Variants in ITGB7 observed in about 807,000 individuals in gnomAD.
The protein encoded by ITGB7 is integrin subunit beta 7.
Under a neutral mutation model 83.4 loss-of-function variants are expected in ITGB7, and 55 were observed. The ratio of observed to expected loss-of-function variants is 0.66; its 90% CI spans 0.53 to 0.83. ITGB7 has a LOEUF of 0.83. ITGB7 is among the 40% of genes least tolerant of loss of function. The pLI is 0.00. For missense variants in ITGB7, 921 were observed against 1,046.7 expected (o/e 0.88, Z 1.66); for synonymous variants, 454 against 423.6 (o/e 1.07, Z -0.88).
Position 53,197,510 on chromosome 12 carries a change from G to A in ITGB7, c.557C>T (p.Thr186Ile). The A allele has an allele frequency of 3.1e-6, 5 of 1,614,184 alleles. No homozygotes were observed. The highest frequency in any genetic ancestry group is 4.2e-6 in the Non-Finnish European group (5 of 1,180,024). Residue 186 changes from threonine (T) to isoleucine (I), a missense_variant, in exon 5 of 16, where the codon ACC (threonine) becomes ATC (isoleucine). Physicochemically the swap from Thr to Ile is moderately conservative, Grantham distance 89. Coordinates refer to ENST00000267082, the MANE Select transcript of ITGB7 (RefSeq NM_000889.3). Reference protein sequence around the residue: ...HALLVRLQEVTHSVRIGFGSF... With the variant: ...HALLVRLQEVIHSVRIGFGSF... ...CGGCTCACCAATGCGCACAGAATGG[G>A]TGACTTCCTGCAGCCGGACCAGCAG...
Position 53,197,930 on chromosome 12 carries a change from C to G in ITGB7, c.223G>C (p.Ala75Pro), listed in dbSNP as rs1942222414. Residue 75 changes from alanine (A) to proline (P), a missense_variant, in exon 4 of 16, where the codon GCG (alanine) becomes CCG (proline). Transcript: ENST00000267082. ...KQLNFTASGE[A>P]EARRCARREE... ...CGTCGGGCGCAGCGCCGCGCCTCCGCCTCTCCCGACGCGGTGAAGTTCTGC... is the reference window on the plus strand; with the variant it reads ...CGTCGGGCGCAGCGCCGCGCCTCCGGCTCTCCCGACGCGGTGAAGTTCTGC... 1.8e-5 allele frequency: 28 copies of G among 1,542,372 alleles called. No homozygotes were observed. Among genetic ancestry groups the G allele is most frequent in the Non-Finnish European group, 2.4e-5 (28 of 1,151,744 alleles).
In ITGB7 at chr12:53,196,237, C is replaced by T. The variant is rs1942156320; in HGVS notation, c.817-38G>A. The T allele has an allele frequency of 2.5e-6, 4 of 1,605,272 alleles. No individual in the cohort carries two copies. The African/African-American group carries it at 5.3e-5, about 21-fold the overall frequency. On this transcript the variant is annotated intron_variant, in intron 6 of 15. Transcript: ENST00000267082. ...GGGGGTGGTAGGCTATGCACCTGGGCATGGCCCTTGAGCCACCCCAGCCAG... is the reference window on the plus strand; with the variant it reads ...GGGGGTGGTAGGCTATGCACCTGGGTATGGCCCTTGAGCCACCCCAGCCAG...
intron 1 of ITGB7, among the ~76,000 whole-genome samples, chr12:53,202,523 T>A (rs1026807286): frequency 2.0e-5 from 3 of 151,728 alleles, no homozygotes; most frequent in Admixed American, 2.0e-4. Flanking sequence ...CCCGACTAGT[T>A]TTTGTATTTT....
At chr12:53,196,467 C>T (rs1942163581) in intron 6 of ITGB7, 112 bp downstream of exon 6, 2 of 1,375,338 alleles carry the variant, frequency 1.5e-6, no homozygotes, top group Non-Finnish European at 2.0e-6. Context: ...ATACAAACTA[C>T]AGCAACTATG....
chr12:53,196,838 T>C lies in ITGB7; in HGVS notation c.575-18A>G. 1 of 1,581,848 alleles carries C rather than the reference T, an allele frequency of 6.3e-7. No homozygotes were observed. The highest frequency in any genetic ancestry group is 8.6e-7 in the Non-Finnish European group (1 of 1,157,262). ...ACCAAAACCTGGGAGAGGAGAGGAA[T>C]GAAGGTTGTGCCAGAAGTCGCAGGG... On this transcript the variant is annotated intron_variant, in intron 5 of 15. Transcript: ENST00000267082.
intron 5 of ITGB7, 103 bp downstream of exon 5, chr12:53,197,390 G>C: frequency 2.2e-6 from 3 of 1,351,066 alleles, no homozygotes; most frequent in Non-Finnish European, 3.2e-6. Flanking sequence ...TCAACAACTG[G>C]GAGGGCAAGT....
chr12:53,192,034 C>T lies in ITGB7; in HGVS notation c.2156-15G>A. ...GTCTGCTCCCTCTGTGAACAAGAAA[C>T]CAGACACACTTGTGGGAGCTGGAGC... On this transcript the variant is annotated splice_polypyrimidine_tract_variant and intron_variant, in intron 14 of 15. Coordinates refer to ENST00000267082, the MANE Select transcript of ITGB7 (RefSeq NM_000889.3). The T allele has an allele frequency of 1.2e-6, 2 of 1,608,892 alleles. No homozygotes were observed. The highest frequency in any genetic ancestry group is 1.7e-6 in the Non-Finnish European group (2 of 1,176,784).
intron 5 of ITGB7, chr12:53,197,158 G>A: frequency 1.8e-6 from 1 of 549,812 alleles, no homozygotes; most frequent in Non-Finnish European, 3.3e-6. Flanking sequence ...CAGGGACAGT[G>A]GCATCTAGGT....
intron 6 of ITGB7, 135 bp downstream of exon 6, chr12:53,196,444 G>A (rs1592403539): frequency 5.6e-6 from 7 of 1,260,890 alleles, no homozygotes; most frequent in East Asian, 2.5e-5. Flanking sequence ...AACCCACCAG[G>A]TAATTGCTAA....
Position 53,191,605 on chromosome 12 carries a change from G to C in ITGB7, c.2348C>G (p.Thr783Arg), listed in dbSNP as rs775805385. The change falls in exon 16 of 16, where the codon ACG (threonine) becomes AGG (arginine). Residue 783 changes from threonine (T) to arginine (R), a missense_variant. Thr to Arg is a moderately conservative substitution (Grantham distance 71). Coordinates refer to ENST00000267082, the MANE Select transcript of ITGB7 (RefSeq NM_000889.3). ...DSNPLYKSAI[T>R]TTINPRFQEA... The stretch of plus-strand genomic sequence containing the variant: ...TTGAAAGCGAGGATTGATGGTGGTC[G>C]TGATGGCACTTTTGTAGAGAGGATT... 1.2e-6 allele frequency: 2 copies of C among 1,613,732 alleles called. No homozygotes were observed. Among genetic ancestry groups the C allele is most frequent in the Admixed American group, 1.7e-5 (1 of 60,002 alleles).
At chr12:53,207,026 G>A (rs1165859863) in intron 1 of ITGB7, among the ~76,000 whole-genome samples, 176 bp downstream of exon 1, 1 of 152,200 alleles carries the variant, frequency 6.6e-6, no homozygotes, top group African/African-American at 2.4e-5. Flanking sequence ...CTGTGAAACT[G>A]GAGGAGGGAA....
rs371965955 is a variant in ITGB7, at chr12:53,194,359, C to T, written c.1162-15G>A. ...GAAGACAGGCTCTATGGGAAGAGAG[C>T]GAGTGGATAACCACGTGAAGGCAGA... On this transcript the variant is annotated splice_polypyrimidine_tract_variant and intron_variant, in intron 9 of 15. Transcript: ENST00000267082. The T allele has an allele frequency of 6.2e-6, 10 of 1,613,260 alleles. No individual in the cohort carries two copies. The highest frequency in any genetic ancestry group is 5.1e-6 in the Non-Finnish European group (6 of 1,179,598).
At chr12:53,193,925 C>T (rs1317820928) in intron 10 of ITGB7, 24 bp from the exon 11 acceptor site, 2 of 1,595,086 alleles carry the variant, frequency 1.3e-6, no homozygotes, top group East Asian at 2.2e-5. Context: ...GGAATCAGGC[C>T]ATGGTTATAC....
At chr12:53,193,562 T>C (rs1019091026) in intron 11 of ITGB7, 146 bp downstream of exon 11, 4 of 795,898 alleles carry the variant, frequency 5.0e-6, no homozygotes, top group Non-Finnish European at 7.9e-6. Context: ...TGGACATACA[T>C]GGGAAGCTTC....
At chr12:53,193,069 G>A (rs1330327670) in intron 12 of ITGB7, 71 bp downstream of exon 12, 5 of 1,446,280 alleles carry the variant, frequency 3.5e-6, no homozygotes, top group Non-Finnish European at 4.8e-6. Context: ...TCCATGCCAG[G>A]AGATTCCCAG....
At chr12:53,195,583 G>C in intron 8 of ITGB7, 43 bp downstream of exon 8, 1 of 1,567,796 alleles carries the variant, frequency 6.4e-7, no homozygotes, top group South Asian at 1.1e-5. Context: ...ATTGAGAAAG[G>C]TTGGGATGGG....
In ITGB7 at chr12:53,197,626, A is replaced by T. The variant is rs376605231; in HGVS notation, c.441T>A (p.Ala147=). 1.9e-6 allele frequency: 3 copies of T among 1,614,088 alleles called. No individual in the cohort carries two copies. The highest frequency in any genetic ancestry group is 2.5e-6 in the Non-Finnish European group (3 of 1,179,970). ...PQQLQVRFLR[A]EGYPVDLYYL... is the part of the protein sequence containing the mutation. ...AGTACAGGTCCACCGGGTATCCCTC[A>T]GCACGAAGGAAGCGGACCTGGAGCT... The change falls in exon 5 of 16, where the codon GCT becomes GCA. Residue 147 remains alanine, a synonymous_variant. Transcript: ENST00000267082.
intron 1 of ITGB7, among the ~76,000 whole-genome samples, chr12:53,204,861 T>G (rs1942397956): frequency 7.2e-6 from 1 of 139,712 alleles, no homozygotes; most frequent in African/African-American, 2.8e-5. Flanking sequence ...TTTGGCAGAG[T>G]CCCACTCTGT....
At chr12:53,204,833 C>CTTTTTTTTTTTT (rs763869314) in intron 1 of ITGB7, among the ~76,000 whole-genome samples, 1 of 128,992 alleles carries the variant, frequency 7.8e-6, no homozygotes, top group Non-Finnish European at 1.6e-5. Context: ...TTTTCTTTAC[C>CTTTTTTTTTTTT]TTTTTTTTTT....
Sources: allele counts gnomAD v4.1 joint callset (sites outside exome capture counted in the v4.1 genomes callset), GRCh38; gene constraint gnomAD v4.1.1; transcripts MANE v1.5; gene names NCBI Gene and HGNC (gene_info 2026-07-23, HGNC 2026-07-21).